WDR49: variants seen among roughly 807,000 people sequenced by gnomAD.
The protein encoded by WDR49 is WD repeat domain 49, also known as cilia- and flagella-associated protein 337.
WDR49 carries 107 observed loss-of-function variants against 119.5 expected under a neutral mutation model. That is an observed-to-expected ratio of 0.90 (90% confidence interval 0.77 to 1.05). The LOEUF (loss-of-function observed/expected upper bound fraction) is 1.05, where lower values mean the gene tolerates loss of function less well. WDR49 is among the 50% of genes least tolerant of loss of function. The probability of loss-of-function intolerance (pLI) is 0.00; values close to 1 mark genes in which losing one functional copy is unlikely to be tolerated. For synonymous variants in WDR49, 425 were observed against 418.8 expected, an observed-to-expected ratio of 1.01 and a Z score of -0.18; for missense variants, 1,240 against 1,220.5, an observed-to-expected ratio of 1.02 and a Z score of -0.24.
chr3:167,585,814 G>A (rs550767319), intron 7 of WDR49, among the ~76,000 whole-genome samples: 12 of 152,050 alleles, frequency 7.9e-5, no homozygotes, highest in African/African-American at 2.9e-4. Context: ...GAAGATACAC[G>A]TCTAGGGTTG....
intron 2 of WDR49, among the ~76,000 whole-genome samples, chr3:167,634,050 A>T (rs1433242746): frequency 6.6e-6 from 1 of 151,992 alleles, no homozygotes; most frequent in Non-Finnish European, 1.5e-5. Flanking sequence ...TGAAAAGTTT[A>T]ATTACTATGG....
chr3:167,489,217 T>C (rs990464136), intron 18 of WDR49, among the ~76,000 whole-genome samples: 1 of 152,066 alleles, frequency 6.6e-6, no homozygotes, highest in East Asian at 1.9e-4. Context: ...ATCTGGCTCA[T>C]GGAAAAGGGA....
chr3:167,562,761 A>G (rs375696598), intron 8 of WDR49, among the ~76,000 whole-genome samples: 4 of 152,328 alleles, frequency 2.6e-5, no homozygotes, highest in African/African-American at 7.2e-5. Flanking sequence ...TCTACCTCGG[A>G]CATTAAGGGC....
intron 18 of WDR49, among the ~76,000 whole-genome samples, chr3:167,497,619 G>C (rs1438237314): frequency 6.6e-6 from 1 of 152,146 alleles, no homozygotes; most frequent in Non-Finnish European, 1.5e-5. Flanking sequence ...CCACTGAAGA[G>C]AGGTGTTTGC....
intron 18 of WDR49, among the ~76,000 whole-genome samples, chr3:167,492,714 C>T (rs9872629): frequency 0.063 from 9,561 of 152,192 alleles, 369 homozygotes; most frequent in Non-Finnish European, 0.097. Flanking sequence ...GTTTACAAAG[C>T]TAGCAAGTAG....
intron 7 of WDR49, among the ~76,000 whole-genome samples, chr3:167,600,617 C>G (rs534066698): frequency 1.6e-4 from 24 of 152,246 alleles, no homozygotes; most frequent in Non-Finnish European, 2.5e-4. Context: ...ACTGATGCAT[C>G]TTAAGAAAGC....
intron 5 of WDR49, among the ~76,000 whole-genome samples, chr3:167,617,048 G>C (rs750625688): frequency 1.2e-4 from 18 of 152,122 alleles, no homozygotes; most frequent in South Asian, 8.3e-4. Flanking sequence ...CGCAGGGTGG[G>C]CAGCATTGCA....
chr3:167,556,723 TAAAATTAC>T (rs935839250), intron 9 of WDR49, among the ~76,000 whole-genome samples: 118 of 151,930 alleles, frequency 7.8e-4, no homozygotes, highest in African/African-American at 2.7e-3. Context: ...CTGTCTCCAC[TAAAATTAC>T]AAAAATTAGG....
intron 7 of WDR49, among the ~76,000 whole-genome samples, chr3:167,581,657 A>C (rs1714536579): frequency 6.6e-6 from 1 of 152,178 alleles, no homozygotes; most frequent in African/African-American, 2.4e-5. Context: ...ATAAATCAAC[A>C]AGTAAATAAT....
chr3:167,607,222 C>G (rs1473523618), intron 5 of WDR49, among the ~76,000 whole-genome samples: 1 of 152,058 alleles, frequency 6.6e-6, no homozygotes, highest in Non-Finnish European at 1.5e-5. Flanking sequence ...TTACGGCTAC[C>G]TTTGGGGAAA....
In WDR49 at chr3:167,649,965, C is replaced by T. The variant is rs80348753; in HGVS notation, c.165+3296G>A. ...AGTTCAGGACCTAACCTGGAGAGCC[C>T]AGGAGCACAGGGCAAACTATGGTCT... On this transcript the variant is annotated intron_variant, in intron 2 of 18. Coordinates refer to ENST00000682715, the MANE Select transcript of WDR49 (RefSeq NM_001366157.1). Among the ~76,000 whole-genome samples, 1,263 of 152,238 alleles carry T rather than the reference C, an allele frequency of 8.3e-3. 90 individuals are homozygous for T. The East Asian group carries it at 0.17, about 21-fold the overall frequency.
At chr3:167,529,301 T>C in intron 13 of WDR49, 62 bp from the exon 14 acceptor site, 10 of 1,443,308 alleles carry the variant, frequency 6.9e-6, no homozygotes, top group Non-Finnish European at 9.3e-6. Context: ...AATAACTTCT[T>C]CAGTGGCTTT....
At chr3:167,536,811 A>G in intron 11 of WDR49, 59 bp downstream of exon 11, 1 of 1,380,404 alleles carries the variant, frequency 7.2e-7, no homozygotes, top group Non-Finnish European at 9.4e-7. Flanking sequence ...TGAGTGAGCC[A>G]AAACAAACCA....
chr3:167,638,431 A>G (rs2108337598), intron 2 of WDR49, among the ~76,000 whole-genome samples: 1 of 151,636 alleles, frequency 6.6e-6, no homozygotes, highest in South Asian at 2.1e-4. Context: ...CTTTTCCCCT[A>G]TAACTATAAT....
At chr3:167,568,297 C>T (rs1230495174) in intron 8 of WDR49, among the ~76,000 whole-genome samples, 1 of 152,082 alleles carries the variant, frequency 6.6e-6, no homozygotes, top group African/African-American at 2.4e-5. Flanking sequence ...TCAAACTATC[C>T]TTTGCTGGCA....
rs975306115 is a variant in WDR49 at position 167,566,933 on chromosome 3, C to G, written c.1510-6705G>C. 3 of 638,342 alleles carry G rather than the reference C, an allele frequency of 4.7e-6. No individual in the cohort carries two copies. In the Admixed American group the frequency reaches 6.8e-5, roughly 14 times the overall value. 39.5% of individuals were successfully genotyped at this position (638,342 alleles called of 1,614,324 possible). On this transcript the variant is annotated intron_variant, in intron 8 of 18. Coordinates refer to ENST00000682715, the MANE Select transcript of WDR49 (RefSeq NM_001366157.1). Reference sequence around the variant, plus strand: ...AAAGAAAGGGTTGGACTTACTGTCTCGGGGTGACAGAGACCAAAGAGGTGG... The same window carrying G: ...AAAGAAAGGGTTGGACTTACTGTCTGGGGGTGACAGAGACCAAAGAGGTGG...
At chr3:167,653,559 G>C (rs1441041642) in intron 1 of WDR49, 60 bp from the exon 2 acceptor site, 1 of 1,116,040 alleles carries the variant, frequency 9.0e-7, no homozygotes, top group Non-Finnish European at 1.2e-6. Context: ...AACCTTTCAA[G>C]GCATACGATC....
intron 10 of WDR49, among the ~76,000 whole-genome samples, chr3:167,549,413 T>C (rs1194332742): frequency 1.3e-5 from 2 of 152,194 alleles, no homozygotes; most frequent in Non-Finnish European, 2.9e-5. Context: ...TATCTCATTG[T>C]GGTTTTGATT....
At chr3:167,641,860 A>G (rs931349519) in intron 2 of WDR49, among the ~76,000 whole-genome samples, 3 of 151,960 alleles carry the variant, frequency 2.0e-5, no homozygotes, top group African/African-American at 7.2e-5. Flanking sequence ...ATATAGAGAT[A>G]CATTGTTAAT....
Sources: allele counts gnomAD v4.1 joint callset (sites outside exome capture counted in the v4.1 genomes callset), GRCh38; gene constraint gnomAD v4.1.1; transcripts MANE v1.5; gene names NCBI Gene and HGNC (gene_info 2026-07-23, HGNC 2026-07-21).